The following UST variants were observed in gnomAD, a reference collection of about 807,000 sequenced individuals.
UST encodes chondroitin sulfate 2-O-sulfotransferase.
In UST, 21 loss-of-function variants were observed where a neutral mutation model predicts 45.6. The ratio of observed to expected loss-of-function variants is 0.46; its 90% confidence interval spans 0.33 to 0.66. The LOEUF (loss-of-function observed/expected upper bound fraction) is 0.66. UST is among the 30% of genes least tolerant of loss of function. The pLI is 0.02. For synonymous variants in UST, 215 were observed against 200.6 expected (o/e 1.07, Z -0.61); for missense variants, 463 against 512.4 (o/e 0.90, Z 0.93).
intron 1 of UST, among the ~76,000 whole-genome samples, chr6:148,845,793 G>A (rs1006020803): frequency 6.6e-6 from 1 of 152,122 alleles, no homozygotes; most frequent in Non-Finnish European, 1.5e-5. Flanking sequence ...AAAGTTTTAT[G>A]CTACTTTAAA....
At chr6:148,761,847 G>C (rs1776229351) in intron 1 of UST, among the ~76,000 whole-genome samples, 1 of 152,210 alleles carries the variant, frequency 6.6e-6, no homozygotes, top group Non-Finnish European at 1.5e-5. Context: ...GGTTAACATG[G>C]GTTACTCTTG....
chr6:148,851,765 C>T (rs569334683), intron 1 of UST, among the ~76,000 whole-genome samples: 3 of 152,240 alleles, frequency 2.0e-5, no homozygotes, highest in Admixed American at 6.5e-5. Context: ...TTTTCCTGAA[C>T]CTTTGCAGAC....
chr6:148,767,195 G>A (rs1776340058), intron 1 of UST, among the ~76,000 whole-genome samples: 1 of 152,188 alleles, frequency 6.6e-6, no homozygotes, highest in Non-Finnish European at 1.5e-5. Flanking sequence ...TCAGGGTTCA[G>A]CTTAGCTCAT....
At chr6:148,960,043 C>T (rs1376481942) in intron 4 of UST, among the ~76,000 whole-genome samples, 2 of 152,086 alleles carry the variant, frequency 1.3e-5, no homozygotes, top group Admixed American at 6.5e-5. Context: ...AATCCCAGCA[C>T]TTTGGGAGGC....
chr6:148,813,439 T>G (rs1582828025), intron 1 of UST, among the ~76,000 whole-genome samples: 1 of 152,068 alleles, frequency 6.6e-6, no homozygotes, highest in East Asian at 1.9e-4. Flanking sequence ...TGGAGTGCAG[T>G]GGCACGATCT....
At chr6:148,866,681 T>C (rs1408246370) in intron 1 of UST, among the ~76,000 whole-genome samples, 2 of 152,230 alleles carry the variant, frequency 1.3e-5, no homozygotes, top group South Asian at 2.1e-4. Context: ...TCATTCTCTC[T>C]TTCCAGCTTT....
chr6:148,871,806 A>C (rs149565817), intron 1 of UST, among the ~76,000 whole-genome samples: 1 of 152,324 alleles, frequency 6.6e-6, no homozygotes, highest in African/African-American at 2.4e-5. Flanking sequence ...AGGTTTGGAG[A>C]GTAAGCTAGG....
At position 148,940,432 on chromosome 6, in the gene UST, T is replaced by G. The variant is rs368142848; in HGVS notation, c.292-847T>G. 2.0e-5 allele frequency among the ~76,000 whole-genome samples: 3 copies of G among 151,888 alleles called. No individual in the cohort carries two copies. The East Asian group carries it at 5.8e-4, about 29-fold the overall frequency. On this transcript the variant is annotated intron_variant, in intron 2 of 7. Coordinates refer to ENST00000367463, the MANE Select transcript of UST (RefSeq NM_005715.3). The stretch of plus-strand genomic sequence containing the variant: ...TCGCATGAGCCCGGGAGACGGAGGT[T>G]GGTGAGCCCAGGATCATGCCACTGC...
chr6:149,007,520 C>T (rs1334147625), intron 5 of UST, among the ~76,000 whole-genome samples: 3 of 150,594 alleles, frequency 2.0e-5, no homozygotes, highest in Non-Finnish European at 3.0e-5. Flanking sequence ...GATCTCCTGA[C>T]CTCATGATCC....
intron 1 of UST, among the ~76,000 whole-genome samples, chr6:148,760,736 CAAAAA>C (rs773945433): frequency 9.4e-5 from 14 of 149,278 alleles, no homozygotes; most frequent in South Asian, 2.1e-4. Flanking sequence ...CAAAACAAAA[CAAAAA>C]AAAACCACAA....
At chr6:149,005,408 C>T in intron 5 of UST, 1 of 985,448 alleles carries the variant, frequency 1.0e-6, no homozygotes, top group East Asian at 1.1e-4. Flanking sequence ...TCAAGGTGAC[C>T]TCTGGGAGCC....
intron 1 of UST, among the ~76,000 whole-genome samples, chr6:148,864,905 C>G (rs1582861737): frequency 6.6e-6 from 1 of 152,170 alleles, no homozygotes; most frequent in East Asian, 1.9e-4. Flanking sequence ...CTATTTTCTC[C>G]ACAAGTGCTA....
chr6:149,072,214 A>G (rs1204914007), intron 7 of UST, among the ~76,000 whole-genome samples: 2 of 152,250 alleles, frequency 1.3e-5, no homozygotes, highest in East Asian at 3.8e-4. Context: ...ACCCAAAATA[A>G]GTGGAAACAG....
At chr6:149,009,861 T>A (rs774959658) in intron 5 of UST, among the ~76,000 whole-genome samples, 3 of 151,672 alleles carry the variant, frequency 2.0e-5, no homozygotes, top group Non-Finnish European at 4.4e-5. Flanking sequence ...TTGACAAACA[T>A]TTTTGAATTT....
At chr6:148,983,493 G>C (rs1781178130) in intron 5 of UST, among the ~76,000 whole-genome samples, 1 of 152,118 alleles carries the variant, frequency 6.6e-6, no homozygotes, top group Non-Finnish European at 1.5e-5. Flanking sequence ...AATATTTCAA[G>C]GCAGAAAAGA....
At chr6:148,784,905 CAG>C (rs1306110005) in intron 1 of UST, among the ~76,000 whole-genome samples, 1 of 152,178 alleles carries the variant, frequency 6.6e-6, no homozygotes, top group African/African-American at 2.4e-5. Context: ...GAATATTTAA[CAG>C]ATAATGAAGA....
chr6:148,803,760 C>T (rs549774345), intron 1 of UST, among the ~76,000 whole-genome samples: 1 of 152,344 alleles, frequency 6.6e-6, no homozygotes, highest in East Asian at 1.9e-4. Context: ...CTTGCTTCTC[C>T]ATCATTCCTC....
rs1292972530 is a variant in UST at position 149,075,177 on chromosome 6, T to C, written c.*1061T>C. On this transcript the variant is annotated 3_prime_UTR_variant, in exon 8 of 8. Coordinates refer to ENST00000367463, the MANE Select transcript of UST (RefSeq NM_005715.3). ...CAATTTAGCTCAGGCATTTGACTCC[T>C]ACAGCAGAAGTTCTGAGCCTGACCA... 2 of 152,234 alleles carry C rather than the reference T, an allele frequency of 1.3e-5. No homozygotes were observed. The highest frequency in any genetic ancestry group is 2.9e-5 in the Non-Finnish European group (2 of 68,060). The allele number at this position is 152,234 out of a possible 1,614,324, so 9.4% of individuals were successfully genotyped here. A position where few individuals can be genotyped will look rare whatever the true frequency, so the allele number is the denominator to read the frequency against.
chr6:148,923,635 G>A (rs1028310532), intron 2 of UST, among the ~76,000 whole-genome samples: 11 of 152,090 alleles, frequency 7.2e-5, no homozygotes, highest in African/African-American at 2.2e-4. Flanking sequence ...GGCTGGGTGC[G>A]GTGGCTCATG....
Sources: allele counts gnomAD v4.1 joint callset (sites outside exome capture counted in the v4.1 genomes callset), GRCh38; gene constraint gnomAD v4.1.1; transcripts MANE v1.5; gene names NCBI Gene and HGNC (gene_info 2026-07-23, HGNC 2026-07-21).